EPB41L2: variants seen among roughly 807,000 people sequenced by gnomAD.
EPB41L2 encodes band 4.1-like protein 2.
A neutral mutation model predicts 113.0 loss-of-function variants in EPB41L2; 43 were observed. The ratio of observed to expected loss-of-function variants is 0.38; its 90% CI spans 0.30 to 0.49. The LOEUF is 0.49. EPB41L2 is among the 20% of genes least tolerant of loss of function. The pLI, the probability that EPB41L2 is intolerant of heterozygous loss-of-function variation, is 0.95. For missense variants in EPB41L2, 1,147 were observed against 1,223.4 expected, an observed-to-expected ratio of 0.94 and a Z score of 0.93; for synonymous variants, 442 against 436.7, an observed-to-expected ratio of 1.01 and a Z score of -0.15.
intron 1 of EPB41L2, among the ~76,000 whole-genome samples, chr6:130,977,458 G>C (rs1778441371): frequency 6.6e-6 from 1 of 152,080 alleles, no homozygotes; most frequent in African/African-American, 2.4e-5. Context: ...GCCTGGATGA[G>C]AAGGGGAGAC....
In EPB41L2 at chr6:130,956,307, C is replaced by T. The variant is rs370441861; in HGVS notation, c.179G>A (p.Arg60His). 2.5e-5 allele frequency: 40 copies of T among 1,614,024 alleles called. No homozygotes were observed. The African/African-American group carries it at 2.7e-4, about 11-fold the overall frequency. The change falls in exon 2 of 20, where the codon CGC (arginine) becomes CAC (histidine). Residue 60 changes from arginine to histidine, a missense_variant. Arg to His is a conservative substitution (Grantham distance 29, BLOSUM62 0). Transcript: ENST00000337057. ...PPAAESQSSL[R>H]RQKREKETSE... Reference sequence around the variant, plus strand: ...TGTTTCCTTCTCTCTCTTCTGGCGGCGTAGACTACTTTGGCTTTCAGCTGC... The same window carrying T: ...TGTTTCCTTCTCTCTCTTCTGGCGGTGTAGACTACTTTGGCTTTCAGCTGC...
intron 8 of EPB41L2, among the ~76,000 whole-genome samples, chr6:130,897,367 G>C (rs1356459214): frequency 6.6e-6 from 1 of 152,072 alleles, no homozygotes; most frequent in Non-Finnish European, 1.5e-5. Context: ...TATTACCTAA[G>C]GAGTCTATCG....
chr6:131,053,340 G>A (rs962251634), intron 1 of EPB41L2, among the ~76,000 whole-genome samples: 3 of 149,738 alleles, frequency 2.0e-5, no homozygotes, highest in Non-Finnish European at 2.9e-5. Context: ...AGACTGTCAC[G>A]GTTACTACTT....
At chr6:130,847,837 G>A (rs966137515) in intron 19 of EPB41L2, among the ~76,000 whole-genome samples, 2 of 152,078 alleles carry the variant, frequency 1.3e-5, no homozygotes, top group African/African-American at 4.8e-5. Flanking sequence ...ATATAAAAGC[G>A]TTCTACAAAA....
At chr6:130,951,904 T>C (rs1337737821) in intron 3 of EPB41L2, among the ~76,000 whole-genome samples, 1 of 152,124 alleles carries the variant, frequency 6.6e-6, no homozygotes. Context: ...GTAGAGGCTA[T>C]TCTTTCAGTC....
rs1385096952 is a variant in EPB41L2, at chr6:130,932,174, A to T, written c.706-5465T>A. ...CTTTCTTATTTCACAAATAAGAAAA[A>T]TAAGGTTATAGAAAGTTTATCTAAT... On this transcript the variant is annotated intron_variant, in intron 3 of 19. Transcript: ENST00000337057. Among the ~76,000 whole-genome samples the T allele has an allele frequency of 2.0e-5, 3 of 152,288 alleles. No individual in the cohort carries two copies. The East Asian group carries it at 5.8e-4, about 29-fold the overall frequency.
rs116776162 is a variant in EPB41L2 at position 130,989,180 on chromosome 6, T to C, written c.-14-32681A>G. ...CACTCATTCAGCAAATAACTATTGATAGCCCATTAAGTGCCAGACAATTGT... is the reference window on the plus strand; with the variant it reads ...CACTCATTCAGCAAATAACTATTGACAGCCCATTAAGTGCCAGACAATTGT... On this transcript the variant is annotated intron_variant, in intron 1 of 19. Coordinates refer to ENST00000337057, the MANE Select transcript of EPB41L2 (RefSeq NM_001431.4). 9.2e-3 allele frequency among the ~76,000 whole-genome samples: 1,398 copies of C among 152,290 alleles called. 18 individuals are homozygous for C. The highest frequency in any genetic ancestry group is 0.027 in the African/African-American group (1,108 of 41,562).
chr6:130,883,600 T>C (rs1789983893), intron 12 of EPB41L2, among the ~76,000 whole-genome samples: 1 of 152,188 alleles, frequency 6.6e-6, no homozygotes, highest in Non-Finnish European at 1.5e-5. Context: ...TAACTAGATA[T>C]GTCAAGTTAA....
At chr6:130,915,575 C>T (rs181012331) in intron 4 of EPB41L2, among the ~76,000 whole-genome samples, 6 of 152,250 alleles carry the variant, frequency 3.9e-5, no homozygotes, top group South Asian at 4.1e-4. Flanking sequence ...ATTTTGAAGT[C>T]ACAGTAGCTA....
intron 3 of EPB41L2, among the ~76,000 whole-genome samples, chr6:130,953,249 C>T (rs1013821212): frequency 8.6e-5 from 13 of 152,006 alleles, no homozygotes; most frequent in African/African-American, 2.7e-4. Flanking sequence ...TCTCTTACTC[C>T]TATCCCTAAG....
intron 10 of EPB41L2, among the ~76,000 whole-genome samples, chr6:130,893,208 T>C (rs1437897877): frequency 6.6e-5 from 10 of 152,160 alleles, no homozygotes; most frequent in Non-Finnish European, 1.5e-4. Flanking sequence ...GACATATTTA[T>C]TGGCCAAAGA....
chr6:130,992,637 T>C lies in EPB41L2; in HGVS notation c.-14-36138A>G, dbSNP rs565434344. 7.1e-3 allele frequency among the ~76,000 whole-genome samples: 638 copies of C among 89,828 alleles called. 5 individuals are homozygous for C. Among genetic ancestry groups the C allele is most frequent in the Admixed American group, 0.035 (339 of 9,794 alleles). The allele number at this position is 89,828 out of a possible 152,430, so 58.9% of individuals were successfully genotyped here. On this transcript the variant is annotated intron_variant, in intron 1 of 19. Coordinates refer to ENST00000337057, the MANE Select transcript of EPB41L2 (RefSeq NM_001431.4). The stretch of plus-strand genomic sequence containing the variant: ...CTGCTGAAATTACCAATTCAAATTC[T>C]TTTTTTTTTTTTGAGACAGAGCCTC...
intron 19 of EPB41L2, among the ~76,000 whole-genome samples, chr6:130,850,169 C>T (rs898854114): frequency 2.0e-5 from 3 of 152,026 alleles, no homozygotes; most frequent in East Asian, 1.9e-4. Context: ...ACCTGGGAGG[C>T]GGAAGTTACA....
chr6:130,892,733 T>C (rs1480288353), intron 10 of EPB41L2, among the ~76,000 whole-genome samples: 1 of 152,212 alleles, frequency 6.6e-6, no homozygotes, highest in Non-Finnish European at 1.5e-5. Context: ...CAAACTGTGA[T>C]ACCAAACGAA....
At chr6:130,925,324 G>T (rs10223340) in intron 4 of EPB41L2, among the ~76,000 whole-genome samples, 1 of 151,508 alleles carries the variant, frequency 6.6e-6, no homozygotes, top group African/African-American at 2.4e-5. Flanking sequence ...GAGTAGCTGA[G>T]ATTACAGGTG....
intron 3 of EPB41L2, among the ~76,000 whole-genome samples, chr6:130,928,127 T>C (rs1314537689): frequency 6.6e-6 from 1 of 152,076 alleles, no homozygotes; most frequent in African/African-American, 2.4e-5. Context: ...AATTTAAAAA[T>C]AAAACAATGT....
intron 1 of EPB41L2, among the ~76,000 whole-genome samples, chr6:131,013,928 G>A (rs1298499626): frequency 6.6e-6 from 1 of 152,098 alleles, no homozygotes; most frequent in Non-Finnish European, 1.5e-5. Flanking sequence ...AATCACAGCT[G>A]TTTCTGTTTT....
intron 18 of EPB41L2, among the ~76,000 whole-genome samples, chr6:130,860,043 T>C (rs1781538426): frequency 6.6e-6 from 1 of 152,078 alleles, no homozygotes; most frequent in African/African-American, 2.4e-5. Context: ...GGAATGGGAA[T>C]AGGAAAGGGA....
intron 1 of EPB41L2, among the ~76,000 whole-genome samples, chr6:131,023,640 G>A (rs867488236): frequency 2.6e-4 from 39 of 151,576 alleles, no homozygotes; most frequent in African/African-American, 9.0e-4. Context: ...AGCCAAGATC[G>A]TGCCACTGCA....
Sources: allele counts gnomAD v4.1 joint callset (sites outside exome capture counted in the v4.1 genomes callset), GRCh38; gene constraint gnomAD v4.1.1; transcripts MANE v1.5; gene names NCBI Gene and HGNC (gene_info 2026-07-23, HGNC 2026-07-21).